MYCBP2: variants seen among roughly 807,000 people sequenced by gnomAD.
The protein encoded by MYCBP2 is MYC binding protein 2, also known as E3 ubiquitin-protein ligase MYCBP2.
A neutral mutation model predicts 525.3 loss-of-function variants in MYCBP2; 120 were observed. The observed-to-expected ratio is 0.23, with a 90% CI of 0.20 to 0.27. The LOEUF (loss-of-function observed/expected upper bound fraction) is 0.27. Among genes scored for constraint, MYCBP2 ranks in the 10% least tolerant of loss-of-function variants. The pLI is 1.00. For missense variants in MYCBP2, 4,149 were observed against 5,657.1 expected (o/e 0.73, Z 8.55); for synonymous variants, 1,894 against 1,955.8 (o/e 0.97, Z 0.83).
intron 77 of MYCBP2, among the ~76,000 whole-genome samples, chr13:77,059,157 T>A (rs2038792833): frequency 6.6e-6 from 1 of 152,032 alleles, no homozygotes; most frequent in Admixed American, 6.6e-5. Context: ...ATAGAATATG[T>A]TTATATATGT....
chr13:77,182,886 T>C (rs2060341750), intron 32 of MYCBP2, among the ~76,000 whole-genome samples: 1 of 152,200 alleles, frequency 6.6e-6, no homozygotes. Flanking sequence ...GGGATGTTGT[T>C]AGTGAAGATT....
At chr13:77,061,541 A>G in intron 75 of MYCBP2, 121 bp downstream of exon 75, 2 of 1,186,910 alleles carry the variant, frequency 1.7e-6, no homozygotes, top group Non-Finnish European at 2.3e-6. Flanking sequence ...ACAGCTGTGA[A>G]CTCAACCAAG....
At chr13:77,206,597 A>T (rs1283147476) in intron 24 of MYCBP2, 56 bp downstream of exon 24, 3 of 1,411,464 alleles carry the variant, frequency 2.1e-6, no homozygotes, top group Non-Finnish European at 2.8e-6. Flanking sequence ...TCTAAAAAAA[A>T]ACCCTGGACA....
At chr13:77,118,391 T>C in intron 55 of MYCBP2, 1 of 764,246 alleles carries the variant, frequency 1.3e-6, no homozygotes, top group East Asian at 2.4e-5. Flanking sequence ...ACAAATGGGC[T>C]GTGTACTAGG....
chr13:77,093,477 G>A (rs2045756804), intron 58 of MYCBP2, 145 bp from the exon 59 acceptor site: 2 of 643,380 alleles, frequency 3.1e-6, no homozygotes, highest in East Asian at 3.0e-5. Flanking sequence ...GTAGGTAGGT[G>A]AAAATAAAAG....
At position 77,154,417 on chromosome 13, in the gene MYCBP2, A is replaced by G. The variant is rs144699563; in HGVS notation, c.6915+1641T>C. 9.7e-3 allele frequency among the ~76,000 whole-genome samples: 1,432 copies of G among 146,944 alleles called. 20 individuals carry two copies. Among genetic ancestry groups the G allele is most frequent in the African/African-American group, 0.033 (1,337 of 40,620 alleles). ...GAAAGAGGAGAGGGAAGAAGAGAGG[A>G]AAAAAAAAAGCAGATCCATCATATG... On this transcript the variant is annotated intron_variant, in intron 46 of 82. Transcript: ENST00000544440.
intron 46 of MYCBP2, among the ~76,000 whole-genome samples, chr13:77,152,120 TAAC>T (rs1483894444): frequency 1.3e-5 from 2 of 152,344 alleles, no homozygotes; most frequent in Middle Eastern, 3.4e-3. Flanking sequence ...TTATTGTTCT[TAAC>T]AACGCGATTC....
rs2046260814 is a variant in MYCBP2 at position 77,096,351 on chromosome 13, T to C, written c.9915A>G (p.Glu3305=). 1.2e-6 allele frequency: 2 copies of C among 1,613,412 alleles called. No individual in the cohort carries two copies. The highest frequency in any genetic ancestry group is 4.5e-5 in the East Asian group (2 of 44,846). ...TWYLVCDRCR[E]KYLREKQAAA... ...CAGCCTGTTTTTCGCGGAGGTATTT[T>C]TCTCTACAGCGATCACATACCAGAT... The change falls in exon 57 of 83, where the codon GAA becomes GAG. Residue 3305 remains glutamate, a synonymous_variant. Coordinates refer to ENST00000544440, the MANE Select transcript of MYCBP2 (RefSeq NM_015057.5).
chr13:77,190,315 C>T lies in MYCBP2; in HGVS notation c.4091G>A (p.Ser1364Asn). The stretch of plus-strand genomic sequence containing the variant: ...TGTACCATTATTTGATTTCTTTGAA[C>T]TCTTGAACTGGAAAACAACCCTAAG... ...TDDGVVFQFKSSKKSNNGTDV... is the reference protein window; with the variant it reads ...TDDGVVFQFKNSKKSNNGTDV... Residue 1364 changes from serine (S) to asparagine (N), a missense_variant, in exon 29 of 83, where the codon AGT (serine) becomes AAT (asparagine). This residue lies in a region of MYCBP2 where 620 missense variants were observed against 795.5 expected (regional missense o/e 0.78). Coordinates refer to ENST00000544440, the MANE Select transcript of MYCBP2 (RefSeq NM_015057.5). The T allele has an allele frequency of 6.2e-7, 1 of 1,608,594 alleles. No homozygotes were observed. Among genetic ancestry groups the T allele is most frequent in the Non-Finnish European group, 8.5e-7 (1 of 1,176,350 alleles).
intron 2 of MYCBP2, among the ~76,000 whole-genome samples, chr13:77,290,713 G>C (rs1185606190): frequency 6.6e-6 from 1 of 152,122 alleles, no homozygotes; most frequent in Non-Finnish European, 1.5e-5. Flanking sequence ...AGAGGGTGAG[G>C]AAGGAAGATA....
At chr13:77,083,739 T>C (rs1222335098) in intron 62 of MYCBP2, among the ~76,000 whole-genome samples, 1 of 152,090 alleles carries the variant, frequency 6.6e-6, no homozygotes, top group African/African-American at 2.4e-5. Flanking sequence ...CCATTAATAA[T>C]ATTAACTATG....
At chr13:77,067,924 T>G in intron 70 of MYCBP2, 60 bp from the exon 71 acceptor site, 1 of 1,485,610 alleles carries the variant, frequency 6.7e-7, no homozygotes, top group Non-Finnish European at 9.0e-7. Flanking sequence ...AAGGTTTCTT[T>G]TATTTCTCTT....
chr13:77,169,863 C>G (rs928484145), intron 38 of MYCBP2, 149 bp from the exon 39 acceptor site: 1 of 679,152 alleles, frequency 1.5e-6, no homozygotes, highest in Non-Finnish European at 2.6e-6. Context: ...TGGTACTATT[C>G]TAAAGGCTTT....
intron 55 of MYCBP2, among the ~76,000 whole-genome samples, chr13:77,112,350 T>C (rs1012046404): frequency 8.9e-5 from 13 of 146,750 alleles, no homozygotes; most frequent in Admixed American, 6.9e-4. Context: ...ATATATTTTA[T>C]ATATAATATT....
chr13:77,206,581 A>G, intron 24 of MYCBP2, 72 bp downstream of exon 24: 1 of 1,288,054 alleles, frequency 7.8e-7, no homozygotes, highest in South Asian at 2.1e-5. Flanking sequence ...ATATAAATTT[A>G]AATACTCTAA....
At chr13:77,126,686 TCATTA>T in intron 52 of MYCBP2, 144 bp from the exon 53 acceptor site, 1 of 577,784 alleles carries the variant, frequency 1.7e-6, no homozygotes, top group Non-Finnish European at 2.9e-6. Flanking sequence ...GAAGAATTAG[TCATTA>T]GCACTAATTA....
chr13:77,072,323 C>T (rs200030860), intron 68 of MYCBP2, among the ~76,000 whole-genome samples: 2 of 145,120 alleles, frequency 1.4e-5, no homozygotes, highest in Non-Finnish European at 3.0e-5. Context: ...AAAAAGAAAT[C>T]AAATGGGAAT....
At chr13:77,049,229 A>G (rs1226524279) in intron 82 of MYCBP2, among the ~76,000 whole-genome samples, 2 of 152,054 alleles carry the variant, frequency 1.3e-5, no homozygotes, top group African/African-American at 4.8e-5. Context: ...TGTTCTGTCC[A>G]TTATCCTCCA....
At chr13:77,293,285 C>G (rs1467383503) in intron 2 of MYCBP2, among the ~76,000 whole-genome samples, 2 of 152,050 alleles carry the variant, frequency 1.3e-5, no homozygotes, top group Non-Finnish European at 2.9e-5. Flanking sequence ...GAAAAGAGAA[C>G]TATTTGACCA....
Sources: allele counts gnomAD v4.1 joint callset (sites outside exome capture counted in the v4.1 genomes callset), GRCh38; gene constraint gnomAD v4.1.1; regional missense constraint gnomAD v4.1.1; transcripts MANE v1.5; gene names NCBI Gene and HGNC (gene_info 2026-07-23, HGNC 2026-07-21).